ARIH1: variants seen among roughly 807,000 people sequenced by gnomAD.
ARIH1 encodes the protein E3 ubiquitin-protein ligase ARIH1.
A neutral mutation model predicts 85.0 loss-of-function variants in ARIH1; 8 were observed. The ratio of observed to expected loss-of-function variants is 0.09; its 90% confidence interval spans 0.06 to 0.17. ARIH1 has a LOEUF of 0.17. Ranked by LOEUF, ARIH1 falls within the 10% of genes least tolerant of loss-of-function variation. The pLI is 1.00. For synonymous variants in ARIH1, 238 were observed against 253.6 expected, an observed-to-expected ratio of 0.94 and a Z score of 0.59; for missense variants, 311 against 718.1, an observed-to-expected ratio of 0.43 and a Z score of 6.48.
At chr15:72,513,790 CCCCT>C (rs2063961785) in intron 1 of ARIH1, among the ~76,000 whole-genome samples, 1 of 10,122 alleles carries the variant, frequency 9.9e-5, no homozygotes, top group Non-Finnish European at 5.9e-4. Context: ...TCCCTCCCTC[CCCCT>C]CTCCCTCCTT....
intron 5 of ARIH1, among the ~76,000 whole-genome samples, chr15:72,557,045 T>C (rs2064177516): frequency 6.6e-6 from 1 of 152,248 alleles, no homozygotes; most frequent in Non-Finnish European, 1.5e-5. Flanking sequence ...ATGTGTCTTT[T>C]TGGTAGAATG....
intron 3 of ARIH1, 77 bp from the exon 4 acceptor site, chr15:72,555,194 G>A: frequency 9.6e-7 from 1 of 1,043,114 alleles, no homozygotes; most frequent in Admixed American, 2.0e-5. Flanking sequence ...TGACCTTACA[G>A]AGCCCTGTTG....
chr15:72,557,543 A>G (rs1053531437), intron 5 of ARIH1, among the ~76,000 whole-genome samples: 1 of 152,048 alleles, frequency 6.6e-6, no homozygotes, highest in Non-Finnish European at 1.5e-5. Flanking sequence ...ACAGAAGCTC[A>G]TTAGTTTAAT....
intron 2 of ARIH1, among the ~76,000 whole-genome samples, chr15:72,538,921 T>C (rs1217781010): frequency 2.0e-5 from 3 of 152,182 alleles, no homozygotes; most frequent in Non-Finnish European, 4.4e-5. Context: ...ATATAGGCCA[T>C]AGGAATGGGT....
intron 5 of ARIH1, among the ~76,000 whole-genome samples, chr15:72,557,992 T>C (rs573088730): frequency 2.0e-5 from 3 of 152,226 alleles, no homozygotes; most frequent in South Asian, 2.1e-4. Flanking sequence ...TCAGTGAAGA[T>C]TGATAGTTTG....
In ARIH1 at chr15:72,555,379, T is replaced by C. The variant is rs766774334; in HGVS notation, c.681+16T>C. ...CATGGGTCAGGTAAAGATATCAAGT[T>C]GTTTTTCAGTTTTTGTTGAATTTCC... On this transcript the variant is annotated intron_variant, in intron 4 of 13. Transcript: ENST00000379887. The C allele has an allele frequency of 6.3e-6, 10 of 1,589,086 alleles. No individual in the cohort carries two copies. Among genetic ancestry groups the C allele is most frequent in the Non-Finnish European group, 8.6e-6 (10 of 1,158,876 alleles).
intron 5 of ARIH1, among the ~76,000 whole-genome samples, chr15:72,557,305 T>G (rs867268375): frequency 3.2e-4 from 49 of 152,070 alleles, no homozygotes; most frequent in Admixed American, 2.6e-3. Context: ...TTTCTTTCTT[T>G]TTTTTAAGTG....
chr15:72,526,053 A>G (rs2064026543), intron 2 of ARIH1, among the ~76,000 whole-genome samples: 1 of 152,220 alleles, frequency 6.6e-6, no homozygotes, highest in Non-Finnish European at 1.5e-5. Flanking sequence ...TTTAGTCTAC[A>G]TATAGCCCAT....
intron 2 of ARIH1, among the ~76,000 whole-genome samples, chr15:72,537,764 G>T (rs1441603987): frequency 6.6e-6 from 1 of 152,086 alleles, no homozygotes; most frequent in African/African-American, 2.4e-5. Flanking sequence ...TTTGTTCTTT[G>T]TCAGAACTAT....
At chr15:72,575,926 C>T (rs976372922) in intron 11 of ARIH1, among the ~76,000 whole-genome samples, 1 of 152,088 alleles carries the variant, frequency 6.6e-6, no homozygotes, top group African/African-American at 2.4e-5. Context: ...TCACTGTAGC[C>T]TTGAACTCCT....
chr15:72,485,600 C>A (rs984173515), intron 1 of ARIH1, among the ~76,000 whole-genome samples: 1 of 151,946 alleles, frequency 6.6e-6, no homozygotes, highest in Admixed American at 6.6e-5. Context: ...CTGTAGCACC[C>A]TGAATGGTTT....
At chr15:72,505,625 A>G (rs1378571849) in intron 1 of ARIH1, among the ~76,000 whole-genome samples, 1 of 152,156 alleles carries the variant, frequency 6.6e-6, no homozygotes, top group East Asian at 1.9e-4. Context: ...GTTCATGTGC[A>G]TTTTAAATTT....
chr15:72,540,063 G>C (rs2064099788), intron 2 of ARIH1, among the ~76,000 whole-genome samples: 1 of 152,010 alleles, frequency 6.6e-6, no homozygotes, highest in Non-Finnish European at 1.5e-5. Context: ...TTCGAGACCA[G>C]CCTAAACAAT....
At chr15:72,480,324 T>C (rs1419047014) in intron 1 of ARIH1, among the ~76,000 whole-genome samples, 1 of 151,020 alleles carries the variant, frequency 6.6e-6, no homozygotes, top group African/African-American at 2.4e-5. Flanking sequence ...TGCAGTGGCC[T>C]GATCTTGGCT....
intron 5 of ARIH1, among the ~76,000 whole-genome samples, chr15:72,560,686 A>C (rs1345484909): frequency 6.6e-6 from 1 of 152,198 alleles, no homozygotes; most frequent in East Asian, 1.9e-4. Context: ...GAGTGCACTG[A>C]AAGTGCCACA....
At position 72,592,876 on chromosome 15, in the gene ARIH1, A is replaced by C. The variant is rs982740619; in HGVS notation, c.*9584A>C. ...GAATAAGGATGCTATCGATATTCTT[A>C]CACAGCCTTTTGTTTTTGTTTTTTG... On this transcript the variant is annotated 3_prime_UTR_variant, in exon 14 of 14. Transcript: ENST00000379887. 5 of 152,170 alleles carry C rather than the reference A, an allele frequency of 3.3e-5. No individual in the cohort carries two copies. The highest frequency in any genetic ancestry group is 5.9e-5 in the Non-Finnish European group (4 of 68,014). The allele number at this position is 152,170 out of a possible 1,614,324, so 9.4% of individuals were successfully genotyped here.
intron 2 of ARIH1, among the ~76,000 whole-genome samples, chr15:72,531,294 GTTTCA>G (rs2064055679): frequency 6.6e-6 from 1 of 151,720 alleles, no homozygotes; most frequent in Non-Finnish European, 1.5e-5. Flanking sequence ...TTGAAACACA[GTTTCA>G]TTCTGTTGTC....
chr15:72,553,363 T>G (rs1393232281), intron 3 of ARIH1, among the ~76,000 whole-genome samples: 1 of 152,224 alleles, frequency 6.6e-6, no homozygotes, highest in Non-Finnish European at 1.5e-5. Context: ...ACTATTATCC[T>G]TAGCTATTCT....
chr15:72,499,987 G>C (rs2063896006), intron 1 of ARIH1, among the ~76,000 whole-genome samples: 1 of 152,124 alleles, frequency 6.6e-6, no homozygotes. Flanking sequence ...CTTCAAACTT[G>C]ATTGCTAGAT....
Sources: allele counts gnomAD v4.1 joint callset (sites outside exome capture counted in the v4.1 genomes callset), GRCh38; gene constraint gnomAD v4.1.1; transcripts MANE v1.5; gene names NCBI Gene and HGNC (gene_info 2026-07-23, HGNC 2026-07-21).